Variants in MDGA2 observed in about 807,000 individuals in gnomAD.
The protein encoded by MDGA2 is MAM domain containing glycosylphosphatidylinositol anchor 2, also known as MAM domain-containing glycosylphosphatidylinositol anchor protein 2.
Under a neutral mutation model 117.8 loss-of-function variants are expected in MDGA2, and 40 were observed. The observed-to-expected ratio is 0.34, with a 90% CI of 0.26 to 0.44. The LOEUF is 0.44. MDGA2 is among the 20% of genes least tolerant of loss of function. The probability of loss-of-function intolerance (pLI) is 1.00; values close to 1 mark genes in which losing one functional copy is unlikely to be tolerated. For missense variants in MDGA2, 1,123 were observed against 1,250.6 expected (o/e 0.90, Z 1.54); for synonymous variants, 452 against 439.0 (o/e 1.03, Z -0.37).
At chr14:47,554,170 T>G (rs1895641144) in intron 1 of MDGA2, among the ~76,000 whole-genome samples, 1 of 152,214 alleles carries the variant, frequency 6.6e-6, no homozygotes, top group Non-Finnish European at 1.5e-5. Flanking sequence ...CTGTGTTCCT[T>G]TCTCTGAGCT....
intron 1 of MDGA2, among the ~76,000 whole-genome samples, chr14:47,656,408 G>C (rs1897745034): frequency 6.6e-6 from 1 of 152,140 alleles, no homozygotes; most frequent in Admixed American, 6.6e-5. Flanking sequence ...AAACCAAAAA[G>C]GTACTGCACC....
intron 1 of MDGA2, among the ~76,000 whole-genome samples, chr14:47,661,542 G>T (rs985247547): frequency 6.6e-6 from 1 of 152,104 alleles, no homozygotes; most frequent in African/African-American, 2.4e-5. Flanking sequence ...TGCACTGAAA[G>T]CTCACTTATA....
chr14:47,214,083 A>T (rs1198608687), intron 3 of MDGA2, among the ~76,000 whole-genome samples: 1 of 152,082 alleles, frequency 6.6e-6, no homozygotes, highest in Non-Finnish European at 1.5e-5. Context: ...AACTGCATGG[A>T]AGAGACCACC....
At chr14:47,422,856 T>C (rs1480807963) in intron 1 of MDGA2, among the ~76,000 whole-genome samples, 2 of 152,178 alleles carry the variant, frequency 1.3e-5, no homozygotes, top group Non-Finnish European at 2.9e-5. Context: ...TCTGATTCTA[T>C]ACACTCGAAA....
chr14:47,148,274 C>T (rs1231733493), intron 3 of MDGA2, among the ~76,000 whole-genome samples: 2 of 152,128 alleles, frequency 1.3e-5, no homozygotes, highest in Admixed American at 6.5e-5. Flanking sequence ...CCCAGAGTTG[C>T]GGGAAGGAAA....
At chr14:47,059,124 G>C in intron 7 of MDGA2, 1 of 980,126 alleles carries the variant, frequency 1.0e-6, no homozygotes, top group Non-Finnish European at 1.3e-6. Context: ...AATGGGAGGG[G>C]AGAAAACCTA....
intron 5 of MDGA2, among the ~76,000 whole-genome samples, chr14:47,119,266 C>T (rs1025005392): frequency 3.9e-4 from 59 of 149,714 alleles, no homozygotes; most frequent in African/African-American, 1.2e-3. Flanking sequence ...GGGGTTTCAC[C>T]GTGTTAGCCA....
intron 2 of MDGA2, among the ~76,000 whole-genome samples, chr14:47,222,430 G>A (rs771677308): frequency 1.3e-5 from 2 of 152,080 alleles, no homozygotes; most frequent in African/African-American, 4.8e-5. Flanking sequence ...AAAGTACAGA[G>A]CCACTAAAGA....
chr14:47,221,909 A>T (rs1404394918), intron 2 of MDGA2, among the ~76,000 whole-genome samples: 1 of 151,988 alleles, frequency 6.6e-6, no homozygotes, highest in Non-Finnish European at 1.5e-5. Flanking sequence ...GGAATGATTA[A>T]ATCAAGCCCA....
At chr14:47,475,718 G>A (rs887365366) in intron 1 of MDGA2, among the ~76,000 whole-genome samples, 23 of 152,278 alleles carry the variant, frequency 1.5e-4, no homozygotes, top group African/African-American at 5.3e-4. Flanking sequence ...GCAAACTAAT[G>A]CAGGAACAGA....
intron 1 of MDGA2, among the ~76,000 whole-genome samples, chr14:47,382,399 C>T (rs916751642): frequency 3.3e-5 from 5 of 152,144 alleles, no homozygotes; most frequent in African/African-American, 1.2e-4. Context: ...CAAGGAACTA[C>T]CATCAGACTG....
At chr14:47,538,537 C>G (rs1472693103) in intron 1 of MDGA2, among the ~76,000 whole-genome samples, 1 of 152,158 alleles carries the variant, frequency 6.6e-6, no homozygotes, top group Non-Finnish European at 1.5e-5. Context: ...GATAACAACA[C>G]AACAACTCTT....
At chr14:47,408,323 G>A (rs1332889475) in intron 1 of MDGA2, among the ~76,000 whole-genome samples, 5 of 152,058 alleles carry the variant, frequency 3.3e-5, no homozygotes, top group Non-Finnish European at 5.9e-5. Flanking sequence ...CAAAGTGCTG[G>A]GATTATAGGC....
intron 7 of MDGA2, among the ~76,000 whole-genome samples, chr14:47,044,797 G>A (rs1316765967): frequency 1.3e-5 from 2 of 152,136 alleles, no homozygotes; most frequent in Non-Finnish European, 2.9e-5. Context: ...ATGTGCATTT[G>A]GAAGTTCTAA....
At chr14:47,519,972 T>C (rs1003891821) in intron 1 of MDGA2, among the ~76,000 whole-genome samples, 7 of 152,186 alleles carry the variant, frequency 4.6e-5, no homozygotes, top group Non-Finnish European at 8.8e-5. Flanking sequence ...AATAAATCAG[T>C]AGAGCCACTG....
At chr14:47,008,445 C>T (rs960404880) in intron 8 of MDGA2, among the ~76,000 whole-genome samples, 2 of 151,878 alleles carry the variant, frequency 1.3e-5, no homozygotes, top group Non-Finnish European at 2.9e-5. Flanking sequence ...CCTGGACCAC[C>T]TTGCTAAATA....
intron 3 of MDGA2, among the ~76,000 whole-genome samples, chr14:47,161,790 A>G (rs1206827968): frequency 2.6e-5 from 4 of 151,612 alleles, no homozygotes; most frequent in East Asian, 1.9e-4. Context: ...CTCAACTCTT[A>G]TATTTTGTTT....
At chr14:46,929,630 TATATATATATATATATAC>T (rs1566530319) in intron 9 of MDGA2, among the ~76,000 whole-genome samples, 17 of 33,462 alleles carry the variant, frequency 5.1e-4, no homozygotes, top group South Asian at 1.1e-3. Context: ...TATATATATA[TATATATATATATATATAC>T]ATTTTTTTTT....
At chr14:47,138,705 T>A (rs1288476395) in intron 4 of MDGA2, among the ~76,000 whole-genome samples, 1 of 152,082 alleles carries the variant, frequency 6.6e-6, no homozygotes, top group Non-Finnish European at 1.5e-5. Context: ...TTATATTCAT[T>A]CATTTTGATA....
Sources: gnomAD v4.1 joint callset for allele counts (sites outside exome capture counted in the v4.1 genomes callset) on GRCh38, gnomAD v4.1.1 for gene constraint, MANE v1.5 for transcripts, NCBI Gene and HGNC (gene_info 2026-07-23, HGNC 2026-07-21) for gene names.